Variants in HRC observed in about 807,000 individuals in gnomAD.
The protein encoded by HRC is histidine rich calcium binding protein, also known as sarcoplasmic reticulum histidine-rich calcium-binding protein.
In HRC, 41 loss-of-function variants were observed where a neutral mutation model predicts 61.4. That is an observed-to-expected ratio of 0.67 (90% confidence interval 0.52 to 0.87). The LOEUF (loss-of-function observed/expected upper bound fraction) is 0.87. Ranked by LOEUF, HRC falls within the 40% of genes least tolerant of loss-of-function variation. The pLI, the probability that HRC is intolerant of heterozygous loss-of-function variation, is 0.00. For missense variants in HRC, 839 were observed against 885.8 expected (o/e 0.95, Z 0.67); for synonymous variants, 308 against 326.6 (o/e 0.94, Z 0.62).
Position 49,153,218 on chromosome 19 carries a change from T to G in HRC, c.1902+43A>C. 2.0e-6 allele frequency: 3 copies of G among 1,505,476 alleles called. No homozygotes were observed. The highest frequency in any genetic ancestry group is 2.8e-6 in the Non-Finnish European group (3 of 1,082,246). 93.3% of individuals were successfully genotyped at this position (1,505,476 alleles called of 1,614,324 possible). A position where few individuals can be genotyped will look rare whatever the true frequency, so the allele number is the denominator to read the frequency against. The stretch of plus-strand genomic sequence containing the variant: ...ACCACCCCAGGGCCCCTGGGACAGA[T>G]TCTGGGGACACCTTGGTGGGTGGAT... On this transcript the variant is annotated intron_variant, in intron 2 of 5. Transcript: ENST00000252825. The surrounding 1 kb of genome is among the most constrained non-coding windows in gnomAD (Gnocchi z 4.8).
At chr19:49,152,229 G>T in intron 3 of HRC, 81 bp downstream of exon 3, 1 of 1,396,094 alleles carries the variant, frequency 7.2e-7, no homozygotes, top group South Asian at 1.2e-5. Context: ...TCAGAGGCCA[G>T]GATTTAGGGC....
Position 49,153,513 on chromosome 19 carries a change from CT to C in HRC, c.1724del (p.Glu575GlyfsTer?). 1 of 1,529,926 alleles carries C rather than the reference CT, an allele frequency of 6.5e-7. No individual in the cohort carries two copies. Among genetic ancestry groups the C allele is most frequent in the Non-Finnish European group, 8.9e-7 (1 of 1,127,378 alleles). The allele number at this position is 1,529,926 out of a possible 1,614,324, so 94.8% of individuals were successfully genotyped here. A position where few individuals can be genotyped will look rare whatever the true frequency, so the allele number is the denominator to read the frequency against. ...AGCGGGGCTCATCTTCCTCCAGCCCCTCCTCCTCCTCCTCTTCCTCCTCGCT... is the reference window on the plus strand; with the variant it reads ...AGCGGGGCTCATCTTCCTCCAGCCCCCCTCCTCCTCCTCTTCCTCCTCGCT... ...DHSEEEEEEE[E>X]GLEEDEPRFT... On this transcript the variant is annotated frameshift_variant, in exon 1 of 6. Transcript: ENST00000252825. LOFTEE classifies it high-confidence loss of function. The surrounding 1 kb of genome is among the most constrained non-coding windows in gnomAD (Gnocchi z 4.8).
At position 49,154,156 on chromosome 19, in the gene HRC, C is replaced by T. The variant is rs759163594; in HGVS notation, c.1082G>A (p.Arg361His). The T allele has an allele frequency of 1.3e-4, 207 of 1,614,004 alleles. No individual in the cohort carries two copies. The highest frequency in any genetic ancestry group is 1.6e-4 in the Non-Finnish European group (194 of 1,180,038). Residue 361 changes from arginine to histidine, a missense_variant, in exon 1 of 6, where the codon CGT becomes CAT. Physicochemically the swap from Arg to His is conservative, Grantham distance 29. Transcript: ENST00000252825. ...GACATGTTGGGGACCCTGGTGCCAA[C>T]GTTCAGTGGACACATCCTCATCTTC... ...EEEDEDVSTE[R>H]WHQGPQHVHH...
chr19:49,155,033 C>G lies in HRC; in HGVS notation c.205G>C (p.Asp69His). The G allele has an allele frequency of 6.2e-7, 1 of 1,614,106 alleles. No homozygotes were observed. Among genetic ancestry groups the G allele is most frequent in the East Asian group, 2.2e-5 (1 of 44,896 alleles). ...HHLHSPRDHPDENKDVSTENG... is the reference protein window; with the variant it reads ...HHLHSPRDHPHENKDVSTENG... Reference sequence around the variant, plus strand: ...TCTGTGGAAACATCCTTGTTCTCATCTGGATGGTCTCTAGGGCTGTGGAGG... The same window carrying G: ...TCTGTGGAAACATCCTTGTTCTCATGTGGATGGTCTCTAGGGCTGTGGAGG... The change falls in exon 1 of 6, where the codon GAT (aspartate) becomes CAT (histidine). Residue 69 changes from aspartate to histidine, a missense_variant. Physicochemically the swap from Asp to His is moderately conservative, Grantham distance 81 (BLOSUM62 -1). Coordinates refer to ENST00000252825, the MANE Select transcript of HRC (RefSeq NM_002152.3). The surrounding 1 kb of genome is among the most constrained non-coding windows in gnomAD (Gnocchi z 4.7).
At position 49,153,220 on chromosome 19, in the gene HRC, C is replaced by A. The variant is rs778250395; in HGVS notation, c.1902+41G>T. The A allele has an allele frequency of 6.2e-5, 95 of 1,527,622 alleles. No homozygotes were observed. The highest frequency in any genetic ancestry group is 8.3e-5 in the Non-Finnish European group (91 of 1,102,502). The allele number at this position is 1,527,622 out of a possible 1,614,324, so 94.6% of individuals were successfully genotyped here. A position where few individuals can be genotyped will look rare whatever the true frequency, so the allele number is the denominator to read the frequency against. On this transcript the variant is annotated intron_variant, in intron 2 of 5. Coordinates refer to ENST00000252825, the MANE Select transcript of HRC (RefSeq NM_002152.3). The surrounding 1 kb of genome is among the most constrained non-coding windows in gnomAD (Gnocchi z 4.8). ...CACCCCAGGGCCCCTGGGACAGATT[C>A]TGGGGACACCTTGGTGGGTGGATCT...
chr19:49,152,183 G>T (rs1807967617), intron 3 of HRC, 125 bp from the exon 4 acceptor site: 1 of 1,260,246 alleles, frequency 7.9e-7, no homozygotes, highest in Non-Finnish European at 1.2e-6. Context: ...AGGATCGCTT[G>T]TGGAGTCAAG....
rs756122774 is a variant in HRC, at chr19:49,154,309, A to ACAT, written c.926_928dup (p.Asp309dup). 86 of 1,590,886 alleles carry ACAT rather than the reference A, an allele frequency of 5.4e-5. 1 individual carries two copies. The South Asian group carries it at 7.9e-4, about 15-fold the overall frequency. On this transcript the variant is annotated inframe_insertion, in exon 1 of 6. Transcript: ENST00000252825. Reference sequence around the variant, plus strand: ...GGCCTGGTGTCCATACTCAGTGGAGACATCATCATCATCATTGTCATCTTC... The same window carrying ACAT: ...GGCCTGGTGTCCATACTCAGTGGAGACATCATCATCATCATCATTGTCATCTTC...
chr19:49,152,726 C>G (rs12977714), intron 2 of HRC, among the ~76,000 whole-genome samples: 1 of 151,180 alleles, frequency 6.6e-6, no homozygotes, highest in African/African-American at 2.5e-5. Context: ...CGTGCCACCA[C>G]GCCCGGCTAA....
rs374000962 is a variant in HRC, at chr19:49,152,078, G to C, written c.1972-20C>G. On this transcript the variant is annotated intron_variant, in intron 3 of 5. Transcript: ENST00000252825. ...ACAGTGCTGGAGGCGGGGACGGGGAGAGAGAGTGAGCGTGGGGCGTGGCCG... is the reference window on the plus strand; with the variant it reads ...ACAGTGCTGGAGGCGGGGACGGGGACAGAGAGTGAGCGTGGGGCGTGGCCG... 8.8e-5 allele frequency: 142 copies of C among 1,612,346 alleles called. No individual in the cohort carries two copies. Among genetic ancestry groups the C allele is most frequent in the Non-Finnish European group, 1.1e-4 (129 of 1,178,656 alleles).
At chr19:49,151,657 C>T (rs2041360639) in intron 4 of HRC, 104 bp from the exon 5 acceptor site, 2 of 1,017,610 alleles carry the variant, frequency 2.0e-6, no homozygotes, top group African/African-American at 1.6e-5. Context: ...ACCTCCTTTT[C>T]CCTAATTCCT....
Position 49,153,292 on chromosome 19 carries a change from C to T in HRC, c.1871G>A (p.Gly624Glu). 6.2e-7 allele frequency: 1 copy of T among 1,613,962 alleles called. No homozygotes were observed. The highest frequency in any genetic ancestry group is 8.5e-7 in the Non-Finnish European group (1 of 1,179,890). ...GAAGGAGCAGTAGCCACACAGGGAC[C>T]CTGGCTGGTAGTTCCCATACTCCTG... ...DAQEYGNYQP[G>E]SLCGYCSFCN... The change falls in exon 2 of 6, where the codon GGG (glycine) becomes GAG (glutamate). Residue 624 changes from glycine to glutamate, a missense_variant. Transcript: ENST00000252825. The surrounding 1 kb of genome is among the most constrained non-coding windows in gnomAD (Gnocchi z 4.8).
Position 49,152,019 on chromosome 19 carries a change from T to C in HRC, c.2011A>G (p.Thr671Ala). Residue 671 changes from threonine (T) to alanine (A), a missense_variant, in exon 4 of 6, where the codon ACG becomes GCG. Thr to Ala is a moderately conservative substitution (Grantham distance 58). Coordinates refer to ENST00000252825, the MANE Select transcript of HRC (RefSeq NM_002152.3). ...FCYLCPLVCETVCAPGSYVDY... is the reference protein window; with the variant it reads ...FCYLCPLVCEAVCAPGSYVDY... ...CCATGCTCACCTGGAGCGCAGACCG[T>C]TTCGCAGACCAGCGGGCAGAGATAG... The C allele has an allele frequency of 6.2e-7, 1 of 1,614,156 alleles. No individual in the cohort carries two copies. The highest frequency in any genetic ancestry group is 8.5e-7 in the Non-Finnish European group (1 of 1,180,028).
In HRC at chr19:49,155,052, G is replaced by A. The variant is rs761830700; in HGVS notation, c.186C>T (p.His62=). ...TCTCATCTGGATGGTCTCTAGGGCTGTGGAGGTGGTGGCGAAGCTCTGCTG... is the reference window on the plus strand; with the variant it reads ...TCTCATCTGGATGGTCTCTAGGGCTATGGAGGTGGTGGCGAAGCTCTGCTG... ...EASAELRHHL[H]SPRDHPDENK... is the part of the protein sequence containing the mutation. Residue 62 remains histidine, a synonymous_variant, in exon 1 of 6, where the codon CAC becomes CAT. Transcript: ENST00000252825. This position sits in a 1 kb window ranked among gnomAD's most constrained non-coding sequence, Gnocchi z 4.7. The A allele has an allele frequency of 3.7e-6, 6 of 1,614,236 alleles. No individual in the cohort carries two copies. The Admixed American group carries it at 1.0e-4, about 27-fold the overall frequency.
chr19:49,152,676 T>C (rs1477648571), intron 2 of HRC, among the ~76,000 whole-genome samples: 1 of 152,034 alleles, frequency 6.6e-6, no homozygotes, highest in Non-Finnish European at 1.5e-5. Flanking sequence ...TTCAAGCGAT[T>C]CTCCTGCCTC....
chr19:49,154,188 G>A lies in HRC; in HGVS notation c.1050C>T (p.Asp350=), dbSNP rs199561704. 129 of 1,609,160 alleles carry A rather than the reference G, an allele frequency of 8.0e-5. No homozygotes were observed. In the East Asian group the frequency reaches 1.8e-3, roughly 23 times the overall value. Residue 350 remains aspartate, a synonymous_variant, in exon 1 of 6, where the codon GAC becomes GAT. Coordinates refer to ENST00000252825, the MANE Select transcript of HRC (RefSeq NM_002152.3). ...VPDHRHQGHR[D]EEEDEDVSTE... ...TGGACACATCCTCATCTTCTTCCTC[G>A]TCTCTGTGGCCTTGGTGCCTGTGGT...
At chr19:49,151,834 C>T (rs111458305) in intron 4 of HRC, 170 bp downstream of exon 4, 2 of 687,696 alleles carry the variant, frequency 2.9e-6, no homozygotes, top group Non-Finnish European at 5.0e-6. Context: ...AGCAACTCCA[C>T]CTGGTGTTCC....
chr19:49,152,224 G>C, intron 3 of HRC, 86 bp downstream of exon 3: 1 of 1,359,312 alleles, frequency 7.4e-7, no homozygotes, highest in Non-Finnish European at 1.0e-6. Flanking sequence ...TTGGGTCAGA[G>C]GCCAGGATTT....
intron 2 of HRC, 67 bp from the exon 3 acceptor site, chr19:49,152,445 C>A: frequency 7.4e-7 from 1 of 1,350,360 alleles, no homozygotes; most frequent in Non-Finnish European, 1.0e-6. Flanking sequence ...CGCCCCTGGC[C>A]CACCCCTGCA....
chr19:49,152,419 C>A, intron 2 of HRC, 41 bp from the exon 3 acceptor site: 1 of 1,568,778 alleles, frequency 6.4e-7, no homozygotes, highest in South Asian at 1.1e-5. Context: ...AACTCTAACG[C>A]CACTTGGGAG....
Sources: allele counts gnomAD v4.1 joint callset (sites outside exome capture counted in the v4.1 genomes callset), GRCh38; gene constraint gnomAD v4.1.1; non-coding constraint Gnocchi (gnomAD v3.1); transcripts MANE v1.5; gene names NCBI Gene and HGNC (gene_info 2026-07-23, HGNC 2026-07-21).